TMEM117: variants seen among roughly 807,000 people sequenced by gnomAD.
TMEM117 encodes the protein transmembrane protein 117.
A neutral mutation model predicts 52.4 loss-of-function variants in TMEM117; 27 were observed. The observed-to-expected ratio is 0.51, with a 90% CI of 0.38 to 0.71. The LOEUF is 0.71. Ranked by LOEUF, TMEM117 falls within the 30% of genes least tolerant of loss-of-function variation. The pLI is 0.00. For synonymous variants in TMEM117, 215 were observed against 206.3 expected (o/e 1.04, Z -0.36); for missense variants, 556 against 630.5 (o/e 0.88, Z 1.26).
At chr12:44,211,641 T>C (rs1167927678) in intron 5 of TMEM117, among the ~76,000 whole-genome samples, 2 of 152,204 alleles carry the variant, frequency 1.3e-5, no homozygotes, top group African/African-American at 4.8e-5. Flanking sequence ...AGGTAAGTTC[T>C]TGACTCAGCA....
At chr12:44,007,548 A>C (rs1257504154) in intron 3 of TMEM117, among the ~76,000 whole-genome samples, 1 of 152,118 alleles carries the variant, frequency 6.6e-6, no homozygotes, top group Non-Finnish European at 1.5e-5. Flanking sequence ...TCCTATCCAT[A>C]GGGGATACAT....
chr12:44,120,360 C>G (rs1420438121), intron 3 of TMEM117, among the ~76,000 whole-genome samples: 1 of 152,024 alleles, frequency 6.6e-6, no homozygotes, highest in African/African-American at 2.4e-5. Flanking sequence ...CTATTTTTTC[C>G]TGCATTATAT....
intron 3 of TMEM117, among the ~76,000 whole-genome samples, chr12:44,003,148 C>T (rs1387558966): frequency 1.3e-5 from 2 of 152,106 alleles, no homozygotes; most frequent in Non-Finnish European, 1.5e-5. Context: ...TCCTCTACTG[C>T]CCTGGGAAAA....
chr12:43,827,827 G>T, the TMEM117 span, among the ~76,000 whole-genome samples: 12,348 of 152,196 alleles, frequency 0.081, 581 homozygotes, highest in Middle Eastern at 0.1. Context: ...TAAATCTCAA[G>T]AAGAAATCTT....
intron 4 of TMEM117, among the ~76,000 whole-genome samples, chr12:44,178,762 A>G (rs1177384996): frequency 2.0e-5 from 3 of 152,196 alleles, no homozygotes; most frequent in Admixed American, 6.5e-5. Flanking sequence ...GAGATAACAT[A>G]TCTACTTCTG....
chr12:44,260,935 T>C (rs972074300), intron 5 of TMEM117, among the ~76,000 whole-genome samples: 1 of 152,340 alleles, frequency 6.6e-6, no homozygotes, highest in South Asian at 2.1e-4. Flanking sequence ...TATTTTGTAA[T>C]TGTGAGTGGC....
At chr12:43,840,852 T>G (rs1157731162) in intron 1 of TMEM117, among the ~76,000 whole-genome samples, 1 of 152,006 alleles carries the variant, frequency 6.6e-6, no homozygotes, top group Admixed American at 6.5e-5. Flanking sequence ...CATAGTCCAT[T>G]TGAACAGCCT....
chr12:44,154,775 A>T (rs570256667), intron 4 of TMEM117, among the ~76,000 whole-genome samples: 3 of 151,564 alleles, frequency 2.0e-5, no homozygotes, highest in African/African-American at 7.3e-5. Context: ...TAAAAAAAAA[A>T]ACCCCTTGTT....
intron 6 of TMEM117, among the ~76,000 whole-genome samples, chr12:44,351,134 CTGTT>C (rs1222266305): frequency 1.3e-5 from 2 of 151,826 alleles, no homozygotes; most frequent in Non-Finnish European, 2.9e-5. Flanking sequence ...TTTCATATGC[CTGTT>C]TGTCACTCAT....
intron 3 of TMEM117, among the ~76,000 whole-genome samples, chr12:44,005,464 A>G (rs975043129): frequency 2.6e-5 from 4 of 152,204 alleles, no homozygotes; most frequent in African/African-American, 9.7e-5. Context: ...AAGAAAACCA[A>G]TAACATCAGA....
At chr12:44,129,246 T>G (rs1010424839) in intron 3 of TMEM117, among the ~76,000 whole-genome samples, 10 of 152,204 alleles carry the variant, frequency 6.6e-5, no homozygotes, top group African/African-American at 2.4e-4. Flanking sequence ...ACACATACCC[T>G]TTAGTGAGCA....
At chr12:44,286,805 A>G (rs1444518738) in intron 5 of TMEM117, among the ~76,000 whole-genome samples, 2 of 152,224 alleles carry the variant, frequency 1.3e-5, no homozygotes, top group Non-Finnish European at 2.9e-5. Flanking sequence ...CATGTTTCCA[A>G]CAAATGATAT....
intron 3 of TMEM117, among the ~76,000 whole-genome samples, chr12:44,034,506 G>T (rs746136922): frequency 2.6e-5 from 4 of 152,158 alleles, no homozygotes; most frequent in East Asian, 1.9e-4. Context: ...AATTAAGTCC[G>T]TGGTGATTAC....
At chr12:44,235,087 T>C (rs1309893853) in intron 5 of TMEM117, among the ~76,000 whole-genome samples, 2 of 151,696 alleles carry the variant, frequency 1.3e-5, no homozygotes, top group Non-Finnish European at 3.0e-5. Flanking sequence ...TTTCTTATTA[T>C]GCTAATAATT....
intron 5 of TMEM117, among the ~76,000 whole-genome samples, chr12:44,291,838 A>G (rs776204168): frequency 6.6e-6 from 1 of 152,072 alleles, no homozygotes; most frequent in Non-Finnish European, 1.5e-5. Context: ...GCCAAGGATA[A>G]ATGTCATTTG....
At chr12:44,052,625 C>G (rs1306457761) in intron 3 of TMEM117, among the ~76,000 whole-genome samples, 1 of 152,160 alleles carries the variant, frequency 6.6e-6, no homozygotes, top group Non-Finnish European at 1.5e-5. Context: ...CTGCTGGTGT[C>G]TCTACCCTGT....
intron 3 of TMEM117, among the ~76,000 whole-genome samples, chr12:44,015,190 T>G (rs1946355195): frequency 6.6e-6 from 1 of 152,116 alleles, no homozygotes; most frequent in African/African-American, 2.4e-5. Context: ...AAAGAGGGGA[T>G]GCTGGACTTA....
chr12:43,846,718 A>G (rs1943215508), intron 2 of TMEM117, among the ~76,000 whole-genome samples: 1 of 152,172 alleles, frequency 6.6e-6, no homozygotes, highest in Non-Finnish European at 1.5e-5. Flanking sequence ...TTAGGAAGAG[A>G]ATGTAATAAT....
chr12:44,258,207 C>T (rs1017554250), intron 5 of TMEM117, among the ~76,000 whole-genome samples: 2 of 152,048 alleles, frequency 1.3e-5, no homozygotes, highest in Non-Finnish European at 2.9e-5. Context: ...CTAGATAGTA[C>T]AAACCCCTCC....
Sources: gnomAD v4.1 joint callset for allele counts (sites outside exome capture counted in the v4.1 genomes callset) on GRCh38, gnomAD v4.1.1 for gene constraint, MANE v1.5 for transcripts, NCBI Gene and HGNC (gene_info 2026-07-23, HGNC 2026-07-21) for gene names.